Variants in ANXA8 observed in about 807,000 individuals in gnomAD.
ANXA8 encodes the protein VAC-beta.
ANXA8 carries 9 observed loss-of-function variants against 26.8 expected under a neutral mutation model. That is an observed-to-expected ratio of 0.34 (90% CI 0.20 to 0.59). The LOEUF is 0.59. Ranked by LOEUF, ANXA8 falls within the 20% of genes least tolerant of loss-of-function variation. The probability of loss-of-function intolerance (pLI) is 0.84; values close to 1 mark genes in which losing one functional copy is unlikely to be tolerated. For missense variants in ANXA8, 83 were observed against 238.5 expected (o/e 0.35, Z 4.29); for synonymous variants, 39 against 94.8 (o/e 0.41, Z 3.42).
the ANXA8 span, among the ~76,000 whole-genome samples, chr10:47,708,070 G>C: frequency 7.2e-6 from 1 of 138,814 alleles, no homozygotes; most frequent in Non-Finnish European, 1.6e-5. Context: ...ATGGTGCGGT[G>C]GCTCATGCCT....
chr10:47,973,060 A>T, the ANXA8 span: 4 of 147,882 alleles, frequency 2.7e-5, no homozygotes, highest in African/African-American at 9.9e-5. Context: ...CTTCCATTGT[A>T]GGATCATGCA....
At chr10:47,530,482 G>A in the ANXA8 span, among the ~76,000 whole-genome samples, 2 of 147,128 alleles carry the variant, frequency 1.4e-5, no homozygotes. Context: ...GAGGTCAGGA[G>A]TTCGAGACCA....
At chr10:47,599,704 AC>A in the ANXA8 span, 4 of 151,142 alleles carry the variant, frequency 2.6e-5, no homozygotes, top group South Asian at 6.2e-4. Flanking sequence ...GGGTGGCTGC[AC>A]CGTCGTCCCC....
At chr10:47,940,595 C>T in the ANXA8 span, among the ~76,000 whole-genome samples, 21 of 147,242 alleles carry the variant, frequency 1.4e-4, no homozygotes, top group Non-Finnish European at 2.8e-4. Context: ...TTTGGGAGGC[C>T]GAGGAGGGTG....
At chr10:47,686,925 C>CG in the ANXA8 span, among the ~76,000 whole-genome samples, 10 of 149,154 alleles carry the variant, frequency 6.7e-5, no homozygotes, top group South Asian at 2.1e-4. Context: ...TTTGTGGGGG[C>CG]GGGGGGGTTG....
chr10:47,549,006 T>C, the ANXA8 span, among the ~76,000 whole-genome samples: 1 of 152,290 alleles, frequency 6.6e-6, no homozygotes, highest in Non-Finnish European at 1.5e-5. Flanking sequence ...TACATATATA[T>C]GTATGAATGT....
At chr10:47,581,860 C>G in the ANXA8 span, among the ~76,000 whole-genome samples, 1 of 150,542 alleles carries the variant, frequency 6.6e-6, no homozygotes, top group Admixed American at 6.6e-5. Flanking sequence ...CTGCCTTGGC[C>G]TCCCAAAGTG....
chr10:47,488,712 A>ATTTTT (rs1840088979), upstream of ANXA8, among the ~76,000 whole-genome samples: 6 of 95,980 alleles, frequency 6.3e-5, no homozygotes, highest in African/African-American at 1.6e-4. Flanking sequence ...TTACATGTTA[A>ATTTTT]ATTTTTTTTT....
chr10:47,648,301 C>T, the ANXA8 span, among the ~76,000 whole-genome samples: 286 of 151,594 alleles, frequency 1.9e-3, 1 homozygote, highest in African/African-American at 6.6e-3. Flanking sequence ...ATCCCCATCA[C>T]GGCATCATAG....
chr10:47,499,084 AGAGT>A, the ANXA8 span, among the ~76,000 whole-genome samples: 3 of 141,486 alleles, frequency 2.1e-5, no homozygotes. Flanking sequence ...CCTGGGAGAC[AGAGT>A]GAGACTCGGT....
At chr10:47,490,549 G>C in the ANXA8 span, 3 of 152,610 alleles carry the variant, frequency 2.0e-5, no homozygotes, top group Non-Finnish European at 4.4e-5. Context: ...AGTGTATCAA[G>C]TGAATGAGAA....
chr10:47,743,397 T>TA, the ANXA8 span, among the ~76,000 whole-genome samples: 1 of 110,054 alleles, frequency 9.1e-6, no homozygotes, highest in African/African-American at 3.5e-5. Context: ...TGTGTGTGTG[T>TA]GTGTGTGTGA....
the ANXA8 span, among the ~76,000 whole-genome samples, chr10:47,627,299 G>C: frequency 6.7e-6 from 1 of 150,202 alleles, no homozygotes; most frequent in Non-Finnish European, 1.5e-5. Flanking sequence ...TCAATTTCTA[G>C]GGGAATGGCT....
At chr10:47,729,201 A>T in the ANXA8 span, among the ~76,000 whole-genome samples, 43 of 143,102 alleles carry the variant, frequency 3.0e-4, no homozygotes, top group Non-Finnish European at 5.0e-4. Context: ...TCATAAGTCA[A>T]AATGTCATTG....
At chr10:47,566,103 G>A in the ANXA8 span, 1 of 445,652 alleles carries the variant, frequency 2.2e-6, no homozygotes. Flanking sequence ...AAGGCAAATG[G>A]TTTTACTGCG....
chr10:47,571,569 A>G, the ANXA8 span, among the ~76,000 whole-genome samples: 72 of 148,780 alleles, frequency 4.8e-4, no homozygotes, highest in African/African-American at 1.8e-3. Flanking sequence ...CTACAAAACA[A>G]AACAAAACAA....
chr10:47,747,213 T>G, the ANXA8 span, among the ~76,000 whole-genome samples: 2 of 151,860 alleles, frequency 1.3e-5, no homozygotes, highest in Non-Finnish European at 2.9e-5. Context: ...GGCAGCAGAG[T>G]CTTCAGCTGG....
At chr10:47,689,206 G>C in the ANXA8 span, among the ~76,000 whole-genome samples, 3 of 151,436 alleles carry the variant, frequency 2.0e-5, no homozygotes, top group Admixed American at 2.0e-4. Context: ...TTGAGATGGA[G>C]TCTCACTCTG....
At chr10:47,709,761 CAG>C in the ANXA8 span, among the ~76,000 whole-genome samples, 44 of 97,536 alleles carry the variant, frequency 4.5e-4, 3 homozygotes, top group Admixed American at 5.1e-3. Context: ...AAGGCACACT[CAG>C]GGAGAGAACC....
Sources: gnomAD v4.1 joint callset for allele counts (sites outside exome capture counted in the v4.1 genomes callset) on GRCh38, gnomAD v4.1.1 for gene constraint, MANE v1.5 for transcripts, NCBI Gene and HGNC (gene_info 2026-07-23, HGNC 2026-07-21) for gene names.